The following NCAM2 variants were observed in gnomAD, a reference collection of about 807,000 sequenced individuals.
The protein encoded by NCAM2 is neural cell adhesion molecule 2, also known as N-CAM-2.
NCAM2 carries 30 observed loss-of-function variants against 98.1 expected under a neutral mutation model. The observed-to-expected ratio is 0.31, with a 90% CI of 0.23 to 0.41. The LOEUF (loss-of-function observed/expected upper bound fraction) is 0.41, where lower values mean the gene tolerates loss of function less well. Ranked by LOEUF, NCAM2 falls within the 10% of genes least tolerant of loss-of-function variation. NCAM2 has a pLI of 1.00. For synonymous variants in NCAM2, 368 were observed against 342.4 expected (o/e 1.07, Z -0.83); for missense variants, 867 against 1,005.8 (o/e 0.86, Z 1.87).
chr21:21,152,245 T>G (rs2067469957), intron 1 of NCAM2, among the ~76,000 whole-genome samples: 1 of 152,118 alleles, frequency 6.6e-6, no homozygotes, highest in Admixed American at 6.6e-5. Context: ...TTAGATTTTG[T>G]ACTTATAGCT....
At position 21,431,794 on chromosome 21, in the gene NCAM2, C is replaced by T. The variant is rs9975061; in HGVS notation, c.1481-314C>T. ...TTTATTTTTTTTTCTTAAACACACA[C>T]GAGATTGTTTTCCTGGACCTCAATA... On this transcript the variant is annotated intron_variant, in intron 11 of 17. Transcript: ENST00000400546. Among the ~76,000 whole-genome samples, 495 of 151,712 alleles carry T rather than the reference C, an allele frequency of 3.3e-3. 1 individual carries two copies. The highest frequency in any genetic ancestry group is 0.012 in the South Asian group (60 of 4,808).
rs147780836 is a variant in NCAM2 at position 21,506,023 on chromosome 21, T to C, written c.2078-2828T>C. Among the ~76,000 whole-genome samples the C allele has an allele frequency of 1.6e-4, 24 of 152,118 alleles. No homozygotes were observed. The East Asian group carries it at 4.3e-3, about 27-fold the overall frequency. ...CGTTTCTTACTCCTGATGCAGTGTT[T>C]TTAAGAACAAAGCAAGAATCTTCAT... On this transcript the variant is annotated intron_variant, in intron 15 of 17. Transcript: ENST00000400546.
intron 1 of NCAM2, among the ~76,000 whole-genome samples, chr21:21,222,912 A>G (rs1481977237): frequency 6.6e-6 from 1 of 152,152 alleles, no homozygotes; most frequent in African/African-American, 2.4e-5. Context: ...GGTGCACCAA[A>G]CTTTATTGTT....
At chr21:21,480,220 A>G (rs1282458510) in intron 15 of NCAM2, among the ~76,000 whole-genome samples, 1 of 151,972 alleles carries the variant, frequency 6.6e-6, no homozygotes. Context: ...CAAAAAAATT[A>G]GCTGGGCGTA....
At chr21:21,248,603 C>A (rs1181814967) in intron 1 of NCAM2, among the ~76,000 whole-genome samples, 1 of 151,454 alleles carries the variant, frequency 6.6e-6, no homozygotes. Context: ...AGTGAAACCC[C>A]GTCTTTACTA....
At chr21:21,358,363 A>C (rs533724204) in intron 8 of NCAM2, among the ~76,000 whole-genome samples, 5 of 152,132 alleles carry the variant, frequency 3.3e-5, no homozygotes, top group South Asian at 4.1e-4. Flanking sequence ...ACTAACTTTC[A>C]GTGGGGATTA....
At chr21:21,075,607 C>A (rs189778989) in intron 1 of NCAM2, among the ~76,000 whole-genome samples, 2 of 152,134 alleles carry the variant, frequency 1.3e-5, no homozygotes, top group African/African-American at 2.4e-5. Context: ...TTCACAGATA[C>A]CTTTTATTAA....
chr21:21,287,051 T>C (rs1233185266), intron 4 of NCAM2, among the ~76,000 whole-genome samples: 2 of 152,090 alleles, frequency 1.3e-5, no homozygotes, highest in East Asian at 3.9e-4. Context: ...CTTCATGATT[T>C]TGATTTAGAC....
intron 1 of NCAM2, among the ~76,000 whole-genome samples, chr21:21,099,647 C>G (rs999102192): frequency 1.3e-5 from 2 of 151,900 alleles, no homozygotes; most frequent in Non-Finnish European, 1.5e-5. Context: ...GTGGGAGCTA[C>G]CTTTCAAGAT....
At chr21:21,009,717 A>G (rs1015195783) in intron 1 of NCAM2, among the ~76,000 whole-genome samples, 1 of 152,044 alleles carries the variant, frequency 6.6e-6, no homozygotes, top group Non-Finnish European at 1.5e-5. Flanking sequence ...AAAGTTGATT[A>G]TTCATTCTAT....
At chr21:21,353,725 T>C (rs761829949) in intron 8 of NCAM2, among the ~76,000 whole-genome samples, 2 of 152,206 alleles carry the variant, frequency 1.3e-5, no homozygotes, top group Non-Finnish European at 2.9e-5. Context: ...TGAGTCAGTT[T>C]TTTCCTTCTT....
At chr21:21,075,335 AT>A (rs1048253844) in intron 1 of NCAM2, among the ~76,000 whole-genome samples, 1 of 152,140 alleles carries the variant, frequency 6.6e-6, no homozygotes, top group South Asian at 2.1e-4. Flanking sequence ...TTAAAGTATA[AT>A]TTTTTTAAAA....
At chr21:21,265,435 ATATT>A (rs2072212935) in intron 1 of NCAM2, among the ~76,000 whole-genome samples, 1 of 38,788 alleles carries the variant, frequency 2.6e-5, no homozygotes, top group South Asian at 1.3e-3. Context: ...GTGTGTATAT[ATATT>A]ATATATACAC....
intron 9 of NCAM2, among the ~76,000 whole-genome samples, chr21:21,378,742 C>G (rs928695208): frequency 9.9e-5 from 15 of 151,822 alleles, no homozygotes; most frequent in Non-Finnish European, 2.1e-4. Flanking sequence ...TATCTAGTAC[C>G]TATTGATGGA....
chr21:21,082,524 A>G (rs2146412749), intron 1 of NCAM2, among the ~76,000 whole-genome samples: 1 of 152,296 alleles, frequency 6.6e-6, no homozygotes, highest in East Asian at 1.9e-4. Context: ...ATTTAAATAA[A>G]GTCTTCTGTA....
At chr21:21,232,237 TATACTC>T (rs2070658456) in intron 1 of NCAM2, among the ~76,000 whole-genome samples, 1 of 151,574 alleles carries the variant, frequency 6.6e-6, no homozygotes, top group African/African-American at 2.4e-5. Context: ...GCATTTTTCT[TATACTC>T]AAATTATATG....
chr21:21,264,359 G>A (rs1047870232), intron 1 of NCAM2, among the ~76,000 whole-genome samples: 1 of 151,964 alleles, frequency 6.6e-6, no homozygotes, highest in Admixed American at 6.6e-5. Flanking sequence ...ATGTTGGTGA[G>A]GCTGAGATGA....
chr21:21,112,134 T>C (rs1055441774), intron 1 of NCAM2, among the ~76,000 whole-genome samples: 2 of 152,194 alleles, frequency 1.3e-5, no homozygotes, highest in African/African-American at 4.8e-5. Flanking sequence ...ATACTGTGTT[T>C]TTAACATTTA....
chr21:21,494,814 A>C (rs1987101617), intron 15 of NCAM2, among the ~76,000 whole-genome samples: 1 of 151,912 alleles, frequency 6.6e-6, no homozygotes, highest in Non-Finnish European at 1.5e-5. Context: ...ACATTTATTA[A>C]AAGGATATTT....
Sources: gnomAD v4.1 joint callset for allele counts (sites outside exome capture counted in the v4.1 genomes callset) on GRCh38, gnomAD v4.1.1 for gene constraint, MANE v1.5 for transcripts, NCBI Gene and HGNC (gene_info 2026-07-23, HGNC 2026-07-21) for gene names.